The following TECRL variants were observed in gnomAD, a reference collection of about 807,000 sequenced individuals.
TECRL encodes the protein trans-2,3-enoyl-CoA reductase-like.
A neutral mutation model predicts 52.8 loss-of-function variants in TECRL; 63 were observed. The observed-to-expected ratio is 1.19, with a 90% CI of 0.97 to 1.47. TECRL has a LOEUF of 1.47. Among genes scored for constraint, TECRL ranks in the 40% most tolerant of loss-of-function variants. TECRL has a pLI of 0.00. For missense variants in TECRL, 482 were observed against 429.6 expected, an observed-to-expected ratio of 1.12 and a Z score of -1.08; for synonymous variants, 164 against 141.9, an observed-to-expected ratio of 1.16 and a Z score of -1.10.
chr4:64,351,366 C>A (rs1720376828), intron 2 of TECRL, among the ~76,000 whole-genome samples: 1 of 151,920 alleles, frequency 6.6e-6, no homozygotes, highest in South Asian at 2.1e-4. Flanking sequence ...TCACTTCAGC[C>A]TTGAGCTCAA....
intron 2 of TECRL, among the ~76,000 whole-genome samples, chr4:64,330,648 A>T: frequency 6.6e-6 from 1 of 152,110 alleles, no homozygotes; most frequent in East Asian, 1.9e-4. Flanking sequence ...CACAAATAAA[A>T]GTTTAATTAA....
intron 2 of TECRL, among the ~76,000 whole-genome samples, chr4:64,360,271 CAGAT>C (rs1345667830): frequency 6.6e-6 from 1 of 151,622 alleles, no homozygotes; most frequent in African/African-American, 2.4e-5. Flanking sequence ...TTTTAAATGT[CAGAT>C]AGTCACTTGA....
chr4:64,339,523 T>C (rs1227798379), intron 2 of TECRL, among the ~76,000 whole-genome samples: 4 of 152,044 alleles, frequency 2.6e-5, no homozygotes, highest in Non-Finnish European at 5.9e-5. Context: ...TACTATCTAA[T>C]ATTATTTCTT....
At chr4:64,308,237 G>C (rs536315418) in intron 6 of TECRL, among the ~76,000 whole-genome samples, 2 of 152,144 alleles carry the variant, frequency 1.3e-5, no homozygotes, top group South Asian at 2.1e-4. Context: ...AAGGAAATGT[G>C]GTTAAGAATT....
intron 4 of TECRL, among the ~76,000 whole-genome samples, chr4:64,315,320 G>A (rs1250429581): frequency 6.6e-6 from 1 of 152,124 alleles, no homozygotes; most frequent in Middle Eastern, 3.4e-3. Flanking sequence ...TAACTTTTGA[G>A]TGCTTGAGCT....
chr4:64,314,333 T>C (rs532792925), intron 5 of TECRL, among the ~76,000 whole-genome samples: 1 of 152,278 alleles, frequency 6.6e-6, no homozygotes, highest in African/African-American at 2.4e-5. Context: ...CTTTCAATTT[T>C]GTAATTGTAA....
chr4:64,303,602 G>C (rs1341228125), intron 7 of TECRL, among the ~76,000 whole-genome samples: 1 of 151,662 alleles, frequency 6.6e-6, no homozygotes, highest in Non-Finnish European at 1.5e-5. Context: ...TGTAAAGTGG[G>C]AATACAAACA....
chr4:64,379,239 CACACACAT>C (rs1249814219), intron 1 of TECRL, among the ~76,000 whole-genome samples: 2 of 80,744 alleles, frequency 2.5e-5, no homozygotes, highest in Non-Finnish European at 4.8e-5. Flanking sequence ...CAAACACACA[CACACACAT>C]ACACACACAC....
chr4:64,399,876 C>A (rs895621846), intron 1 of TECRL, among the ~76,000 whole-genome samples: 2 of 152,162 alleles, frequency 1.3e-5, no homozygotes, highest in Non-Finnish European at 1.5e-5. Context: ...GGGAAGCCAT[C>A]ATGGAGAACC....
chr4:64,399,618 G>A (rs1724211078), intron 1 of TECRL, among the ~76,000 whole-genome samples: 1 of 152,280 alleles, frequency 6.6e-6, no homozygotes, highest in South Asian at 2.1e-4. Context: ...GCCTTGCCTA[G>A]ACCCAGGACA....
At chr4:64,317,483 T>TA (rs34700411) in intron 4 of TECRL, among the ~76,000 whole-genome samples, 5 of 152,170 alleles carry the variant, frequency 3.3e-5, no homozygotes, top group East Asian at 3.9e-4. Context: ...TATCAGCAGT[T>TA]AAAAAAATGT....
At chr4:64,314,577 C>G in intron 5 of TECRL, 71 bp downstream of exon 5, 1 of 1,168,038 alleles carries the variant, frequency 8.6e-7, no homozygotes, top group Admixed American at 1.9e-5. Flanking sequence ...TTCATCCCCT[C>G]CTTAACGTGT....
At chr4:64,313,254 TC>T (rs1717190623) in intron 5 of TECRL, among the ~76,000 whole-genome samples, 1 of 152,034 alleles carries the variant, frequency 6.6e-6, no homozygotes, top group Non-Finnish European at 1.5e-5. Context: ...ACAATTTGCT[TC>T]TTAATTCACT....
chr4:64,277,078 T>A, downstream of TECRL: 1 of 1,468,256 alleles, frequency 6.8e-7, no homozygotes, highest in Non-Finnish European at 9.1e-7. Flanking sequence ...GAAATAAATT[T>A]AAAAAACACA....
intron 8 of TECRL, 100 bp from the exon 9 acceptor site, chr4:64,289,867 C>T (rs1232169551): frequency 6.1e-6 from 4 of 660,644 alleles, no homozygotes; most frequent in Non-Finnish European, 9.2e-6. Flanking sequence ...TACATTAATC[C>T]CAAAGATTCA....
chr4:64,307,801 T>C (rs1724427248), intron 6 of TECRL, among the ~76,000 whole-genome samples: 2 of 152,150 alleles, frequency 1.3e-5, no homozygotes, highest in Admixed American at 6.5e-5. Context: ...ACAAGCAGCA[T>C]TGCAAGCAGT....
At chr4:64,360,189 G>T (rs1024714050) in intron 2 of TECRL, among the ~76,000 whole-genome samples, 1 of 152,066 alleles carries the variant, frequency 6.6e-6, no homozygotes, top group East Asian at 1.9e-4. Flanking sequence ...TATTATCTCA[G>T]TATGTTTGCA....
intron 9 of TECRL, among the ~76,000 whole-genome samples, chr4:64,283,043 C>CTA (rs1347287314): frequency 6.6e-6 from 1 of 151,910 alleles, no homozygotes; most frequent in African/African-American, 2.4e-5. Context: ...TCAGTACTCC[C>CTA]TATAGTTGGA....
chr4:64,338,931 G>A (rs979667238), intron 2 of TECRL, among the ~76,000 whole-genome samples: 12 of 152,080 alleles, frequency 7.9e-5, no homozygotes, highest in Non-Finnish European at 1.8e-4. Context: ...TCCCATTACT[G>A]GGTATATACC....
Sources: allele counts gnomAD v4.1 joint callset (sites outside exome capture counted in the v4.1 genomes callset), GRCh38; gene constraint gnomAD v4.1.1; transcripts MANE v1.5; gene names NCBI Gene and HGNC (gene_info 2026-07-23, HGNC 2026-07-21).